Variants in SLC22A3 observed in about 807,000 individuals in gnomAD.
SLC22A3 encodes EMT organic cation transporter 3.
Under a neutral mutation model 59.1 loss-of-function variants are expected in SLC22A3, and 51 were observed. The observed-to-expected ratio is 0.86, with a 90% CI of 0.69 to 1.09. The LOEUF (loss-of-function observed/expected upper bound fraction) is 1.09. SLC22A3 is among the 50% of genes least tolerant of loss of function. The probability of loss-of-function intolerance (pLI) is 0.00; values close to 1 mark genes in which losing one functional copy is unlikely to be tolerated. For missense variants in SLC22A3, 711 were observed against 726.3 expected, an observed-to-expected ratio of 0.98 and a Z score of 0.24; for synonymous variants, 325 against 292.0, an observed-to-expected ratio of 1.11 and a Z score of -1.15.
In SLC22A3 at chr6:160,397,582, A is replaced by C. The variant is rs184465278; in HGVS notation, c.430-397A>C. On this transcript the variant is annotated intron_variant, in intron 1 of 10. Coordinates refer to ENST00000275300, the MANE Select transcript of SLC22A3 (RefSeq NM_021977.4). Reference sequence around the variant, plus strand: ...AACCCCATCTCTACTAAAAATACAAAAATTAGATGGGCGTGGTGGCGCACA... The same window carrying C: ...AACCCCATCTCTACTAAAAATACAACAATTAGATGGGCGTGGTGGCGCACA... Among the ~76,000 whole-genome samples, 899 of 152,018 alleles carry C rather than the reference A, an allele frequency of 5.9e-3. 5 individuals are homozygous for C. Among genetic ancestry groups the C allele is most frequent in the Middle Eastern group, 0.017 (5 of 294 alleles).
intron 1 of SLC22A3, among the ~76,000 whole-genome samples, chr6:160,349,223 C>A (rs932371905): frequency 2.0e-5 from 3 of 152,114 alleles, no homozygotes; most frequent in South Asian, 2.1e-4. Context: ...TGGTTAGGTG[C>A]GCGATAGGGA....
intron 1 of SLC22A3, among the ~76,000 whole-genome samples, chr6:160,357,662 T>C (rs1006229878): frequency 6.6e-6 from 1 of 152,202 alleles, no homozygotes; most frequent in African/African-American, 2.4e-5. Context: ...GCCCTTTAAT[T>C]GTTCACAAAT....
intron 2 of SLC22A3, among the ~76,000 whole-genome samples, chr6:160,403,898 A>G (rs1213221824): frequency 6.6e-6 from 1 of 152,008 alleles, no homozygotes; most frequent in Non-Finnish European, 1.5e-5. Flanking sequence ...TAAACTAGAA[A>G]TATAGGGGAA....
intron 1 of SLC22A3, among the ~76,000 whole-genome samples, chr6:160,382,965 T>C (rs753857528): frequency 5.9e-5 from 9 of 151,984 alleles, no homozygotes; most frequent in Non-Finnish European, 1.3e-4. Flanking sequence ...ATAAGTGAAA[T>C]TGACAATAGA....
chr6:160,436,898 A>T, intron 6 of SLC22A3, 21 bp downstream of exon 6: 1 of 1,612,038 alleles, frequency 6.2e-7, no homozygotes, highest in Non-Finnish European at 8.5e-7. Flanking sequence ...CTTGTGATGG[A>T]TTTAAAAGCT....
At chr6:160,374,765 C>T (rs183117320) in intron 1 of SLC22A3, among the ~76,000 whole-genome samples, 1 of 152,134 alleles carries the variant, frequency 6.6e-6, no homozygotes, top group African/African-American at 2.4e-5. Flanking sequence ...TCAAGAAGGG[C>T]CACAGGAAAG....
intron 1 of SLC22A3, among the ~76,000 whole-genome samples, chr6:160,395,337 C>T (rs557241003): frequency 6.6e-6 from 1 of 152,136 alleles, no homozygotes; most frequent in African/African-American, 2.4e-5. Flanking sequence ...TCTTGATAGG[C>T]CTTGCTATGT....
chr6:160,364,962 T>A (rs1334571676), intron 1 of SLC22A3, among the ~76,000 whole-genome samples: 2 of 152,166 alleles, frequency 1.3e-5, no homozygotes, highest in African/African-American at 4.8e-5. Context: ...TATTGCTTTA[T>A]ATCAATATAA....
At chr6:160,368,899 C>T (rs935151226) in intron 1 of SLC22A3, among the ~76,000 whole-genome samples, 1 of 152,152 alleles carries the variant, frequency 6.6e-6, no homozygotes, top group Non-Finnish European at 1.5e-5. Context: ...CATATTCTGT[C>T]CAAGCTCTGA....
At chr6:160,390,089 T>C (rs960832106) in intron 1 of SLC22A3, among the ~76,000 whole-genome samples, 4 of 152,238 alleles carry the variant, frequency 2.6e-5, no homozygotes, top group African/African-American at 9.6e-5. Context: ...TTATAATGTA[T>C]ACTTTTTTAA....
intron 1 of SLC22A3, among the ~76,000 whole-genome samples, chr6:160,360,974 G>A (rs972832422): frequency 6.6e-6 from 1 of 152,216 alleles, no homozygotes; most frequent in Non-Finnish European, 1.5e-5. Flanking sequence ...TAGGGAGTAA[G>A]AGGAGGGCTT....
At position 160,440,171 on chromosome 6, in the gene SLC22A3, C is replaced by G. The variant is rs545341557; in HGVS notation, c.1289-2590C>G. Among the ~76,000 whole-genome samples, 163 of 152,328 alleles carry G rather than the reference C, an allele frequency of 1.1e-3. 1 individual carries two copies. The highest frequency in any genetic ancestry group is 1.9e-3 in the Non-Finnish European group (130 of 68,018). ...CAAATTTCTTAACACTCATTAATGTCTGGAAAATAAAGACCTTTCTTTATC... is the reference window on the plus strand; with the variant it reads ...CAAATTTCTTAACACTCATTAATGTGTGGAAAATAAAGACCTTTCTTTATC... On this transcript the variant is annotated intron_variant, in intron 7 of 10. Coordinates refer to ENST00000275300, the MANE Select transcript of SLC22A3 (RefSeq NM_021977.4).
chr6:160,429,664 G>A (rs1436536205), intron 5 of SLC22A3, among the ~76,000 whole-genome samples: 1 of 152,106 alleles, frequency 6.6e-6, no homozygotes, highest in African/African-American at 2.4e-5. Flanking sequence ...GGCTCCCAGG[G>A]GAGACCAACG....
intron 1 of SLC22A3, among the ~76,000 whole-genome samples, chr6:160,370,586 A>G (rs995145568): frequency 2.0e-5 from 3 of 152,220 alleles, no homozygotes; most frequent in Admixed American, 6.5e-5. Context: ...TAGTTATACT[A>G]TACTCTCTAT....
chr6:160,349,533 C>T (rs1354783059), intron 1 of SLC22A3, among the ~76,000 whole-genome samples: 1 of 152,094 alleles, frequency 6.6e-6, no homozygotes, highest in Non-Finnish European at 1.5e-5. Context: ...CCACAGCCTT[C>T]CAACGCAAAT....
chr6:160,395,637 C>T (rs1228030591), intron 1 of SLC22A3, among the ~76,000 whole-genome samples: 4 of 152,092 alleles, frequency 2.6e-5, no homozygotes, highest in Admixed American at 1.3e-4. Context: ...TTTTGTACCT[C>T]GAAAAACCAA....
chr6:160,447,624 G>A lies in SLC22A3; in HGVS notation c.1511-95G>A, dbSNP rs949112623. 12 of 1,028,480 alleles carry A rather than the reference G, an allele frequency of 1.2e-5. No individual in the cohort carries two copies. The African/African-American group carries it at 1.9e-4, about 16-fold the overall frequency. 63.7% of individuals were successfully genotyped at this position (1,028,480 alleles called of 1,614,324 possible). A position where few individuals can be genotyped will look rare whatever the true frequency, so the allele number is the denominator to read the frequency against. On this transcript the variant is annotated intron_variant, in intron 9 of 10. Transcript: ENST00000275300. Reference sequence around the variant, plus strand: ...GTTGCTGTGGTTGAGAGCTACTCCAGTGAGCAACATGATGGCTTCAGAGTG... The same window carrying A: ...GTTGCTGTGGTTGAGAGCTACTCCAATGAGCAACATGATGGCTTCAGAGTG...
At chr6:160,365,447 C>T (rs2114761420) in intron 1 of SLC22A3, among the ~76,000 whole-genome samples, 1 of 152,324 alleles carries the variant, frequency 6.6e-6, no homozygotes, top group Non-Finnish European at 1.5e-5. Flanking sequence ...TGCTGGGCCT[C>T]ACTGGAGTTT....
intron 3 of SLC22A3, 135 bp downstream of exon 3, chr6:160,407,330 C>A: frequency 1.1e-6 from 1 of 918,260 alleles, no homozygotes; most frequent in Non-Finnish European, 1.6e-6. Context: ...GTAATTATTT[C>A]TGCAGATGGG....
Sources: gnomAD v4.1 joint callset for allele counts (sites outside exome capture counted in the v4.1 genomes callset) on GRCh38, gnomAD v4.1.1 for gene constraint, MANE v1.5 for transcripts, NCBI Gene and HGNC (gene_info 2026-07-23, HGNC 2026-07-21) for gene names.